The following RAB38 variants were observed in gnomAD, a reference collection of about 807,000 sequenced individuals.
RAB38 encodes ras-related protein Rab-38.
A neutral mutation model predicts 18.4 loss-of-function variants in RAB38; 15 were observed. That is an observed-to-expected ratio of 0.82 (90% confidence interval 0.55 to 1.26). The LOEUF (loss-of-function observed/expected upper bound fraction) is 1.26, where lower values mean the gene tolerates loss of function less well. Among genes scored for constraint, RAB38 ranks in the 50% most tolerant of loss-of-function variants. The probability of loss-of-function intolerance (pLI) is 0.00; values close to 1 mark genes in which losing one functional copy is unlikely to be tolerated. For synonymous variants in RAB38, 101 were observed against 104.4 expected (o/e 0.97, Z 0.20); for missense variants, 294 against 267.4 (o/e 1.10, Z -0.69).
chr11:88,005,428 T>C, the RAB38 span, among the ~76,000 whole-genome samples: 1 of 151,386 alleles, frequency 6.6e-6, no homozygotes, highest in Admixed American at 6.6e-5. Context: ...TGGAAACCCA[T>C]TTTAAAAATA....
At chr11:87,962,451 C>G in the RAB38 span, among the ~76,000 whole-genome samples, 2 of 152,008 alleles carry the variant, frequency 1.3e-5, no homozygotes, top group African/African-American at 4.8e-5. Context: ...TGAAGTGAAC[C>G]TGACCTCAGG....
chr11:88,006,714 C>G, the RAB38 span, among the ~76,000 whole-genome samples: 18 of 150,484 alleles, frequency 1.2e-4, no homozygotes, highest in Non-Finnish European at 7.4e-5. Context: ...ATGGATAAAC[C>G]TGAATAACAT....
At chr11:88,044,670 C>T in the RAB38 span, among the ~76,000 whole-genome samples, 1 of 152,278 alleles carries the variant, frequency 6.6e-6, no homozygotes, top group East Asian at 1.9e-4. Flanking sequence ...TTCTTTTATA[C>T]ATTGTTCCCT....
chr11:87,935,364 AATT>A, the RAB38 span, among the ~76,000 whole-genome samples: 13 of 151,732 alleles, frequency 8.6e-5, no homozygotes, highest in Non-Finnish European at 1.6e-4. Flanking sequence ...AATGATTCAA[AATT>A]ATTATTTTCT....
At chr11:87,948,186 GCTCT>G in the RAB38 span, among the ~76,000 whole-genome samples, 11 of 151,976 alleles carry the variant, frequency 7.2e-5, no homozygotes, top group South Asian at 2.1e-4. Flanking sequence ...TCATGATTTG[GCTCT>G]CTGTTTGTCT....
the RAB38 span, among the ~76,000 whole-genome samples, chr11:87,932,257 G>A: frequency 1.1e-4 from 17 of 151,952 alleles, no homozygotes; most frequent in East Asian, 1.9e-4. Flanking sequence ...AAACCTGCAC[G>A]TTCTGCACAT....
chr11:87,937,156 C>T, the RAB38 span, among the ~76,000 whole-genome samples: 1 of 151,482 alleles, frequency 6.6e-6, no homozygotes, highest in Non-Finnish European at 1.5e-5. Flanking sequence ...ACATTATTAT[C>T]TGAATGAGTA....
chr11:88,046,658 C>T, the RAB38 span, among the ~76,000 whole-genome samples: 3 of 152,166 alleles, frequency 2.0e-5, no homozygotes, highest in South Asian at 2.1e-4. Context: ...CCCTGCAGAT[C>T]GTGTCTGACT....
downstream of RAB38, among the ~76,000 whole-genome samples, chr11:88,112,027 C>A (rs991764759): frequency 6.6e-6 from 1 of 152,196 alleles, no homozygotes; most frequent in Admixed American, 6.5e-5. Flanking sequence ...ATATTAGAAT[C>A]AATGCCAGGT....
chr11:87,861,101 G>A, the RAB38 span, among the ~76,000 whole-genome samples: 1 of 151,878 alleles, frequency 6.6e-6, no homozygotes, highest in Non-Finnish European at 1.5e-5. Flanking sequence ...ATAACTTGTT[G>A]TAAGAAGGGA....
chr11:88,155,247 C>A (rs1272249783), intron 1 of RAB38, among the ~76,000 whole-genome samples: 2 of 152,218 alleles, frequency 1.3e-5, no homozygotes, highest in African/African-American at 4.8e-5. Context: ...GGAGCTCAGA[C>A]CACTGTGCGT....
chr11:87,917,755 A>G, the RAB38 span, among the ~76,000 whole-genome samples: 1 of 151,924 alleles, frequency 6.6e-6, no homozygotes, highest in Non-Finnish European at 1.5e-5. Context: ...GAGGTTTTCT[A>G]CCCTCATAGC....
the RAB38 span, among the ~76,000 whole-genome samples, chr11:87,947,636 TA>T: frequency 1.3e-5 from 2 of 152,182 alleles, no homozygotes; most frequent in Admixed American, 6.5e-5. Flanking sequence ...CACCATTTAT[TA>T]AATAGGGAAT....
the RAB38 span, among the ~76,000 whole-genome samples, chr11:87,818,004 C>T: frequency 6.6e-6 from 1 of 152,158 alleles, no homozygotes; most frequent in African/African-American, 2.4e-5. Flanking sequence ...CCCTTGGGCA[C>T]AGCTGGCCTT....
chr11:87,897,169 C>A, the RAB38 span, among the ~76,000 whole-genome samples: 1 of 151,554 alleles, frequency 6.6e-6, no homozygotes, highest in Non-Finnish European at 1.5e-5. Flanking sequence ...CCCCCCAAAC[C>A]AATGTGAACC....
the RAB38 span, among the ~76,000 whole-genome samples, chr11:88,079,064 A>G: frequency 1.3e-5 from 2 of 151,826 alleles, no homozygotes; most frequent in African/African-American, 2.4e-5. Context: ...AACGAAACCT[A>G]AAGTGGGCCA....
At chr11:87,931,649 T>C in the RAB38 span, among the ~76,000 whole-genome samples, 1 of 152,104 alleles carries the variant, frequency 6.6e-6, no homozygotes, top group Non-Finnish European at 1.5e-5. Flanking sequence ...CAAATTATAT[T>C]TGGATTACCC....
At chr11:87,937,178 C>T in the RAB38 span, among the ~76,000 whole-genome samples, 16 of 151,524 alleles carry the variant, frequency 1.1e-4, no homozygotes, top group South Asian at 2.9e-3. Flanking sequence ...TGAGTTAGGT[C>T]AAATGCCTTT....
chr11:88,147,212 G>T (rs959565029), intron 2 of RAB38, among the ~76,000 whole-genome samples: 1 of 152,098 alleles, frequency 6.6e-6, no homozygotes, highest in Non-Finnish European at 1.5e-5. Flanking sequence ...TGAAGGCAAG[G>T]TTTTATCTGT....
Sources: allele counts gnomAD v4.1 joint callset (sites outside exome capture counted in the v4.1 genomes callset), GRCh38; gene constraint gnomAD v4.1.1; transcripts MANE v1.5; gene names NCBI Gene and HGNC (gene_info 2026-07-23, HGNC 2026-07-21).